The following LIMS2 variants were observed in gnomAD, a reference collection of about 807,000 sequenced individuals.
The protein encoded by LIMS2 is LIM and senescent cell antigen-like-containing domain protein 2.
LIMS2 carries 30 observed loss-of-function variants against 45.3 expected under a neutral mutation model. The ratio of observed to expected loss-of-function variants is 0.66; its 90% CI spans 0.50 to 0.90. The LOEUF is 0.90. Among genes scored for constraint, LIMS2 ranks in the 40% least tolerant of loss-of-function variants. The pLI is 0.00. For missense variants in LIMS2, 485 were observed against 468.7 expected, an observed-to-expected ratio of 1.03 and a Z score of -0.32; for synonymous variants, 173 against 188.0, an observed-to-expected ratio of 0.92 and a Z score of 0.65.
At chr2:127,660,876 T>C (rs1684595313) in intron 1 of LIMS2, among the ~76,000 whole-genome samples, 1 of 140,370 alleles carries the variant, frequency 7.1e-6, no homozygotes, top group South Asian at 2.4e-4. Flanking sequence ...TCCAGGGAGA[T>C]CATTGCTGCC....
chr2:127,675,358 A>G lies in LIMS2; in HGVS notation c.-334T>C, dbSNP rs1219311396. ...GGGGTGGGGGTTAAAGGTGGGGCTG[A>G]CGGTGGGGTTGGAGGGGTGAGAGTG... On this transcript the variant is annotated 5_prime_UTR_variant, in exon 1 of 10. Coordinates refer to ENST00000355119, the MANE Select transcript of LIMS2 (RefSeq NM_001161403.3). 1 of 40,992 alleles carries G rather than the reference A, an allele frequency of 2.4e-5. No homozygotes were observed. Among genetic ancestry groups the G allele is most frequent in the African/African-American group, 9.8e-5 (1 of 10,254 alleles). The allele number at this position is 40,992 out of a possible 1,614,324, so 2.5% of individuals were successfully genotyped here.
At chr2:127,673,671 C>A in intron 1 of LIMS2, 1 of 1,551,428 alleles carries the variant, frequency 6.4e-7, no homozygotes, top group South Asian at 1.2e-5. Flanking sequence ...AACCGCCTCT[C>A]ACCCACCTCC....
upstream of LIMS2, among the ~76,000 whole-genome samples, chr2:127,676,578 AT>A (rs1353245848): frequency 6.6e-6 from 1 of 151,926 alleles, no homozygotes; most frequent in Non-Finnish European, 1.5e-5. Flanking sequence ...CACCCAGCTA[AT>A]TTTGTATTTT....
intron 3 of LIMS2, 72 bp from the exon 4 acceptor site, chr2:127,654,616 T>C: frequency 6.2e-7 from 1 of 1,603,718 alleles, no homozygotes; most frequent in East Asian, 2.2e-5. Flanking sequence ...CCAAGCCCTG[T>C]CCACCTAGCA....
At chr2:127,677,109 T>G (rs1221304553), upstream of LIMS2, among the ~76,000 whole-genome samples, 1 of 152,216 alleles carries the variant, frequency 6.6e-6, no homozygotes, top group Non-Finnish European at 1.5e-5. This position sits in a 1 kb window ranked among gnomAD's most constrained non-coding sequence, Gnocchi z 5.0. Context: ...TTAGCCCTGC[T>G]GGAGATGCAG....
chr2:127,659,837 G>T (rs1042753619), intron 1 of LIMS2, among the ~76,000 whole-genome samples: 4 of 152,172 alleles, frequency 2.6e-5, no homozygotes, highest in African/African-American at 9.7e-5. Context: ...TCCAGGAACT[G>T]CTGTTTAGGG....
intron 1 of LIMS2, among the ~76,000 whole-genome samples, chr2:127,662,451 G>C (rs1684730860): frequency 6.6e-6 from 1 of 151,942 alleles, no homozygotes; most frequent in African/African-American, 2.4e-5. Context: ...CATGAAGCCA[G>C]CCAGAGGCCA....
chr2:127,660,296 C>G (rs887161490), intron 1 of LIMS2, among the ~76,000 whole-genome samples: 6 of 152,180 alleles, frequency 3.9e-5, no homozygotes, highest in Admixed American at 1.3e-4. Context: ...CCAGGCCACT[C>G]GAACCCACAG....
Position 127,639,347 on chromosome 2 carries a change from C to G in LIMS2, c.960G>C (p.Leu320=). The G allele has an allele frequency of 6.2e-7, 1 of 1,613,948 alleles. No homozygotes were observed. Among genetic ancestry groups the G allele is most frequent in the Non-Finnish European group, 8.5e-7 (1 of 1,179,944 alleles). The change falls in exon 10 of 10, where the codon CTG becomes CTC. Residue 320 remains leucine, a synonymous_variant. Transcript: ENST00000355119. ...EKFPLELKKR[L]KKLSELTSRK... Reference sequence around the variant, plus strand: ...GGGAGGTCAGCTCCGACAGCTTCTTCAGCCGCTTCTTCAGCTCCAGCGGGA... The same window carrying G: ...GGGAGGTCAGCTCCGACAGCTTCTTGAGCCGCTTCTTCAGCTCCAGCGGGA...
chr2:127,649,157 GAGGAAGGTAGGA>G (rs1180615353), intron 4 of LIMS2, among the ~76,000 whole-genome samples: 1 of 73,862 alleles, frequency 1.4e-5, no homozygotes, highest in Non-Finnish European at 3.0e-5. Context: ...GTGAGAGAGA[GAGGAAGGTAGGA>G]AGGAAGGAAG....
At chr2:127,651,009 T>C (rs771556622) in intron 4 of LIMS2, 1 of 1,613,826 alleles carries the variant, frequency 6.2e-7, no homozygotes, top group South Asian at 1.1e-5. Context: ...GGTCTACCAC[T>C]TCTCTGGGAA....
Position 127,675,250 on chromosome 2 carries a change from G to T in LIMS2, c.-226C>A. 8.2e-6 allele frequency: 2 copies of T among 245,098 alleles called. No homozygotes were observed. The highest frequency in any genetic ancestry group is 1.5e-5 in the Non-Finnish European group (2 of 129,950). The allele number at this position is 245,098 out of a possible 1,614,324, so 15.2% of individuals were successfully genotyped here. ...GGTCAAGGCTGAGGGTGGTGGGGGT[G>T]TTGGGGAGGTGACGGTGGGAGGTTG... On this transcript the variant is annotated 5_prime_UTR_variant, in exon 1 of 10. Transcript: ENST00000355119.
rs1684405881 is a variant in LIMS2, at chr2:127,658,440, G to A, written c.12-878C>T. On this transcript the variant is annotated intron_variant, in intron 1 of 9. Transcript: ENST00000355119. ...TATGAATCTTTGAGACGAGACGGGA[G>A]TGTGGTGAGGGGGAGCAAATCTCAT... 3.3e-5 allele frequency among the ~76,000 whole-genome samples: 5 copies of A among 152,296 alleles called. No individual in the cohort carries two copies. The South Asian group carries it at 1.0e-3, about 32-fold the overall frequency.
rs1024545769 is a variant in LIMS2 at position 127,639,001 on chromosome 2, T to C, written c.*280A>G. 4.6e-6 allele frequency: 2 copies of C among 437,436 alleles called. No homozygotes were observed. The highest frequency in any genetic ancestry group is 7.9e-5 in the Admixed American group (2 of 25,396). The allele number at this position is 437,436 out of a possible 1,614,324, so 27.1% of individuals were successfully genotyped here. A position where few individuals can be genotyped will look rare whatever the true frequency, so the allele number is the denominator to read the frequency against. Reference sequence around the variant, plus strand: ...ATTTGCTCCTGTCCCTGGAGGTCTGTGGGCGGAAGCTGTGGGCACAGGTGG... The same window carrying C: ...ATTTGCTCCTGTCCCTGGAGGTCTGCGGGCGGAAGCTGTGGGCACAGGTGG... On this transcript the variant is annotated 3_prime_UTR_variant, in exon 10 of 10. Coordinates refer to ENST00000355119, the MANE Select transcript of LIMS2 (RefSeq NM_001161403.3).
upstream of LIMS2, among the ~76,000 whole-genome samples, chr2:127,677,283 C>T (rs1685524173): frequency 1.3e-5 from 2 of 152,170 alleles, no homozygotes; most frequent in South Asian, 4.1e-4. This position sits in a 1 kb window ranked among gnomAD's most constrained non-coding sequence, Gnocchi z 5.0. Context: ...AAGCCATGGA[C>T]CAGGCTCTCA....
At chr2:127,651,889 A>T in intron 4 of LIMS2, 2 of 810,368 alleles carry the variant, frequency 2.5e-6, no homozygotes, top group Admixed American at 5.4e-5. Context: ...ATTTCTCTAG[A>T]TCGCCTAGTC....
upstream of LIMS2, among the ~76,000 whole-genome samples, chr2:127,675,680 G>C (rs1175332654): frequency 6.6e-6 from 1 of 152,208 alleles, no homozygotes; most frequent in Non-Finnish European, 1.5e-5. Flanking sequence ...GCGTGCAGGA[G>C]ATGGTAGGCG....
intron 4 of LIMS2, chr2:127,643,966 G>A (rs556748598): frequency 1.8e-4 from 79 of 442,538 alleles, no homozygotes; most frequent in African/African-American, 1.0e-3. Flanking sequence ...GGGAGGATAC[G>A]GAAGAGATCC....
chr2:127,679,374 A>G (rs536137172), upstream of LIMS2, among the ~76,000 whole-genome samples: 77 of 152,250 alleles, frequency 5.1e-4, no homozygotes, highest in Admixed American at 1.8e-3. This position sits in a 1 kb window ranked among gnomAD's most constrained non-coding sequence, Gnocchi z 5.3. Context: ...GTCCATTCCC[A>G]GGTCTTATGG....
Sources: allele counts gnomAD v4.1 joint callset (sites outside exome capture counted in the v4.1 genomes callset), GRCh38; gene constraint gnomAD v4.1.1; non-coding constraint Gnocchi (gnomAD v3.1); transcripts MANE v1.5; gene names NCBI Gene and HGNC (gene_info 2026-07-23, HGNC 2026-07-21).